SLC44A5: variants seen among roughly 807,000 people sequenced by gnomAD.
SLC44A5 encodes the protein choline transporter-like protein 5.
In SLC44A5, 57 loss-of-function variants were observed where a neutral mutation model predicts 101.8. That is an observed-to-expected ratio of 0.56 (90% confidence interval 0.45 to 0.70). The LOEUF (loss-of-function observed/expected upper bound fraction) is 0.70, where lower values mean the gene tolerates loss of function less well. Ranked by LOEUF, SLC44A5 falls within the 30% of genes least tolerant of loss-of-function variation. The pLI, the probability that SLC44A5 is intolerant of heterozygous loss-of-function variation, is 0.00. For missense variants in SLC44A5, 737 were observed against 853.1 expected (o/e 0.86, Z 1.70); for synonymous variants, 281 against 290.9 (o/e 0.97, Z 0.35).
chr1:75,610,085 A>G (rs2102181707), intron 1 of SLC44A5, among the ~76,000 whole-genome samples: 1 of 151,076 alleles, frequency 6.6e-6, no homozygotes, highest in African/African-American at 2.4e-5. Context: ...AGGAGGCCTC[A>G]GTTCTTCCCA....
chr1:75,317,868 T>TACCTCCAAAGGCCCC (rs1352488274), intron 4 of SLC44A5, among the ~76,000 whole-genome samples: 1 of 152,106 alleles, frequency 6.6e-6, no homozygotes, highest in Admixed American at 6.6e-5. Flanking sequence ...TAAACCTAAG[T>TACCTCCAAAGGCCCC]ACCTCCAAAG....
chr1:75,575,545 G>C (rs1296038657), intron 1 of SLC44A5, among the ~76,000 whole-genome samples: 1 of 152,120 alleles, frequency 6.6e-6, no homozygotes, highest in Non-Finnish European at 1.5e-5. Context: ...CTAGGAGCTG[G>C]TAGGAAATTT....
the SLC44A5 span, among the ~76,000 whole-genome samples, chr1:75,681,381 C>T: frequency 7.9e-5 from 12 of 151,958 alleles, no homozygotes; most frequent in African/African-American, 2.7e-4. Context: ...AAACCGAATC[C>T]AGCAGCACAT....
At chr1:75,287,245 A>T (rs895539449) in intron 5 of SLC44A5, among the ~76,000 whole-genome samples, 1 of 151,482 alleles carries the variant, frequency 6.6e-6, no homozygotes, top group African/African-American at 2.4e-5. Flanking sequence ...ATTTCCAGGT[A>T]TTTTGTATTT....
rs568724497 is a variant in SLC44A5, at chr1:75,525,062, A to T, written c.13+16373T>A. Among the ~76,000 whole-genome samples, 116 of 152,312 alleles carry T rather than the reference A, an allele frequency of 7.6e-4. 1 individual carries two copies. The highest frequency in any genetic ancestry group is 2.7e-3 in the African/African-American group (112 of 41,586). The stretch of plus-strand genomic sequence containing the variant: ...TCAGCTACTAAATATAGAAAAAATG[A>T]TATAAATTAGAAAAATCACACTTTT... On this transcript the variant is annotated intron_variant, in intron 2 of 23. Transcript: ENST00000370859.
chr1:75,234,140 AAC>A, intron 11 of SLC44A5, 42 bp from the exon 12 acceptor site: 1 of 1,390,474 alleles, frequency 7.2e-7, no homozygotes, highest in South Asian at 1.2e-5. Context: ...AAGTGTGCTA[AAC>A]ACAGCATATT....
rs1290292681 is a variant in SLC44A5, at chr1:75,571,581, C to CT, written c.-69-30066dup. On this transcript the variant is annotated intron_variant, in intron 1 of 23. Transcript: ENST00000370859. ...AAAAAAAAACATGAGATATTCAATA[C>CT]TTTTTTATAAAATAAGCTTTGTATT... 3.9e-5 allele frequency among the ~76,000 whole-genome samples: 6 copies of CT among 152,174 alleles called. No homozygotes were observed. In the East Asian group the frequency reaches 9.6e-4, roughly 24 times the overall value.
intron 15 of SLC44A5, among the ~76,000 whole-genome samples, 158 bp downstream of exon 15, chr1:75,219,642 A>G (rs1441658083): frequency 6.6e-6 from 1 of 152,098 alleles, no homozygotes; most frequent in Non-Finnish European, 1.5e-5. Context: ...GGGAAATTCA[A>G]TCGGTAGATT....
the SLC44A5 span, among the ~76,000 whole-genome samples, chr1:75,688,707 A>T: frequency 3.0e-4 from 46 of 152,284 alleles, no homozygotes; most frequent in African/African-American, 1.1e-3. Context: ...TCAGCCAGTG[A>T]TCATCTCTTT....
At chr1:75,513,459 A>G (rs1379886097) in intron 2 of SLC44A5, among the ~76,000 whole-genome samples, 1 of 152,252 alleles carries the variant, frequency 6.6e-6, no homozygotes, top group Non-Finnish European at 1.5e-5. Flanking sequence ...TGGATGGAAT[A>G]AACTGCCCTA....
At chr1:75,261,550 C>G (rs1393297403) in intron 6 of SLC44A5, among the ~76,000 whole-genome samples, 1 of 152,026 alleles carries the variant, frequency 6.6e-6, no homozygotes, top group Non-Finnish European at 1.5e-5. Context: ...TAAGAAAAGT[C>G]CAGGACCAGA....
intron 2 of SLC44A5, among the ~76,000 whole-genome samples, chr1:75,400,072 C>T (rs886197230): frequency 6.6e-6 from 1 of 152,150 alleles, no homozygotes; most frequent in African/African-American, 2.4e-5. Context: ...CAAAGTGAAT[C>T]AGCACAGAAA....
chr1:75,422,086 A>G (rs1378021526), intron 2 of SLC44A5, among the ~76,000 whole-genome samples: 3 of 152,056 alleles, frequency 2.0e-5, no homozygotes, highest in Non-Finnish European at 4.4e-5. Context: ...GTGTGTGTGC[A>G]CGTGTGCTTA....
At chr1:75,650,533 A>G in the SLC44A5 span, among the ~76,000 whole-genome samples, 13 of 152,316 alleles carry the variant, frequency 8.5e-5, no homozygotes, top group African/African-American at 2.6e-4. Flanking sequence ...GACTTCATCA[A>G]TCTGCCACAG....
intron 4 of SLC44A5, among the ~76,000 whole-genome samples, chr1:75,322,544 A>G (rs1270679426): frequency 3.3e-5 from 5 of 152,164 alleles, no homozygotes; most frequent in Admixed American, 6.6e-5. Context: ...TTTAGGAGAC[A>G]TTCTTAGGAC....
At chr1:75,410,830 T>C (rs751719470) in intron 2 of SLC44A5, among the ~76,000 whole-genome samples, 41 of 152,276 alleles carry the variant, frequency 2.7e-4, no homozygotes, top group Non-Finnish European at 5.3e-4. Flanking sequence ...ATTGTTTTCA[T>C]TCATTCACCC....
intron 2 of SLC44A5, among the ~76,000 whole-genome samples, chr1:75,485,007 C>A (rs1048248310): frequency 3.9e-5 from 6 of 152,272 alleles, no homozygotes; most frequent in Non-Finnish European, 8.8e-5. Context: ...TCCTCCCAGG[C>A]CTCCAGGCCT....
At chr1:75,212,326 G>A (rs770440794) in intron 22 of SLC44A5, among the ~76,000 whole-genome samples, 1 of 151,714 alleles carries the variant, frequency 6.6e-6, no homozygotes, top group Admixed American at 6.6e-5. Flanking sequence ...GTAGTTTTTC[G>A]ATCTTCTCCC....
chr1:75,396,041 T>G (rs1445886952), intron 3 of SLC44A5, among the ~76,000 whole-genome samples: 1 of 152,174 alleles, frequency 6.6e-6, no homozygotes, highest in East Asian at 1.9e-4. Flanking sequence ...GTGCAGATTC[T>G]GATTCAATAA....
Sources: allele counts gnomAD v4.1 joint callset (sites outside exome capture counted in the v4.1 genomes callset), GRCh38; gene constraint gnomAD v4.1.1; transcripts MANE v1.5; gene names NCBI Gene and HGNC (gene_info 2026-07-23, HGNC 2026-07-21).